The following RPA3 variants were observed in gnomAD, a reference collection of about 807,000 sequenced individuals.
RPA3 encodes replication protein A3, also known as replication protein A 14 kDa subunit.
In RPA3, 24 loss-of-function variants were observed where a neutral mutation model predicts 13.7. That is an observed-to-expected ratio of 1.75 (90% CI 1.27 to 2.46). The LOEUF is 2.46. Ranked by LOEUF, RPA3 falls within the 30% of genes most tolerant of loss-of-function variation. The pLI is 0.00. For synonymous variants in RPA3, 59 were observed against 51.2 expected (o/e 1.15, Z -0.65); for missense variants, 183 against 151.0 (o/e 1.21, Z -1.11).
Position 7,689,135 on chromosome 7 carries a change from CG to C in RPA3, c.-1027-1808del, listed in dbSNP as rs1780111406. Among the ~76,000 whole-genome samples, 3 of 152,092 alleles carry C rather than the reference CG, an allele frequency of 2.0e-5. No individual in the cohort carries two copies. The South Asian group carries it at 6.2e-4, about 32-fold the overall frequency. On this transcript the variant is annotated intron_variant, in intron 2 of 7. Transcript: ENST00000223129. ...AGTGCTCATTTGCCTAAGCCAGTCACGGTAGTCTAATTCACCTTGCCAGTGA... is the reference window on the plus strand; with the variant it reads ...AGTGCTCATTTGCCTAAGCCAGTCACGTAGTCTAATTCACCTTGCCAGTGA...
intron 4 of RPA3, among the ~76,000 whole-genome samples, chr7:7,649,654 A>T (rs778119510): frequency 1.3e-5 from 2 of 151,498 alleles, no homozygotes; most frequent in Middle Eastern, 3.4e-3. Context: ...GTCTGTGTTA[A>T]TTTGAATGTT....
At chr7:7,716,521 A>G (rs1224458354) in intron 1 of RPA3, among the ~76,000 whole-genome samples, 2 of 152,238 alleles carry the variant, frequency 1.3e-5, no homozygotes, top group Non-Finnish European at 2.9e-5. Context: ...GTAAAGGGCC[A>G]CTTGGAAGCC....
intron 4 of RPA3, among the ~76,000 whole-genome samples, chr7:7,645,180 T>C (rs1419835766): frequency 6.6e-6 from 1 of 152,218 alleles, no homozygotes; most frequent in Non-Finnish European, 1.5e-5. Flanking sequence ...ATTATAGTTT[T>C]GTTTCTTAAG....
intron 4 of RPA3, among the ~76,000 whole-genome samples, chr7:7,670,107 A>G (rs1366231550): frequency 1.3e-5 from 2 of 152,202 alleles, no homozygotes; most frequent in Non-Finnish European, 2.9e-5. Flanking sequence ...TAAATTCCAT[A>G]CACAATACTT....
intron 4 of RPA3, among the ~76,000 whole-genome samples, chr7:7,644,249 C>T (rs1785044063): frequency 6.7e-6 from 1 of 150,278 alleles, no homozygotes; most frequent in Non-Finnish European, 1.5e-5. Context: ...CTTGATTTTT[C>T]TTTTTCTTAC....
intron 4 of RPA3, among the ~76,000 whole-genome samples, chr7:7,669,683 A>G (rs1364365862): frequency 1.3e-5 from 2 of 152,228 alleles, no homozygotes; most frequent in Non-Finnish European, 2.9e-5. Context: ...CCCACAGAAC[A>G]ACATCTTGAG....
intron 4 of RPA3, among the ~76,000 whole-genome samples, chr7:7,678,637 G>GATAAATATATATTTATATACTTAGTTT (rs1779819659): frequency 3.1e-5 from 1 of 32,426 alleles, no homozygotes; most frequent in Non-Finnish European, 6.5e-5. Flanking sequence ...TTAATTTATA[G>GATAAATATATATTTATATACTTAGTTT]ATAAATATAT....
At chr7:7,702,730 T>G (rs936580060) in intron 2 of RPA3, among the ~76,000 whole-genome samples, 9 of 152,222 alleles carry the variant, frequency 5.9e-5, no homozygotes, top group African/African-American at 1.7e-4. Context: ...ATTTCTGAAA[T>G]GTGCTCCGGT....
chr7:7,698,202 C>T (rs1353542761), intron 2 of RPA3, among the ~76,000 whole-genome samples: 1 of 152,148 alleles, frequency 6.6e-6, no homozygotes, highest in Middle Eastern at 3.2e-3. Flanking sequence ...CTATATGCTT[C>T]ATTAGTGTTT....
At chr7:7,681,254 T>C (rs1392184010) in intron 4 of RPA3, among the ~76,000 whole-genome samples, 1 of 152,144 alleles carries the variant, frequency 6.6e-6, no homozygotes, top group Admixed American at 6.6e-5. Context: ...TGAGAATACC[T>C]TTTCCCCTAG....
intron 4 of RPA3, among the ~76,000 whole-genome samples, chr7:7,669,788 T>A (rs1779560236): frequency 6.6e-6 from 1 of 152,210 alleles, no homozygotes; most frequent in Admixed American, 6.5e-5. Flanking sequence ...ATTTCGGAAC[T>A]GTCTGAAATT....
In RPA3 at chr7:7,636,807, T is replaced by C; in HGVS notation, c.*193A>G. 1.8e-6 allele frequency: 1 copy of C among 540,630 alleles called. No individual in the cohort carries two copies. 33.5% of individuals were successfully genotyped at this position (540,630 alleles called of 1,614,324 possible). A position where few individuals can be genotyped will look rare whatever the true frequency, so the allele number is the denominator to read the frequency against. On this transcript the variant is annotated 3_prime_UTR_variant, in exon 8 of 8. Transcript: ENST00000223129. Reference sequence around the variant, plus strand: ...CATCTAATCTGACCATATATTGGAGTAGCAATTCTTTATAAAAGGACTTCG... The same window carrying C: ...CATCTAATCTGACCATATATTGGAGCAGCAATTCTTTATAAAAGGACTTCG...
At chr7:7,649,158 C>CAA (rs34943326) in intron 4 of RPA3, among the ~76,000 whole-genome samples, 4,539 of 128,208 alleles carry the variant, frequency 0.035, 95 homozygotes, top group East Asian at 0.05. Flanking sequence ...GACTCCATCT[C>CAA]AAAAAAAAAA....
At position 7,640,441 on chromosome 7, in the gene RPA3, T is replaced by C; in HGVS notation, c.-23A>G. On this transcript the variant is annotated 5_prime_UTR_variant, in exon 5 of 8. Coordinates refer to ENST00000223129, the MANE Select transcript of RPA3 (RefSeq NM_002947.5). Reference sequence around the variant, plus strand: ...CATGATTATGGTCCAAGACTGCGGCTGGCGGGAAACCCACGGACGACTGAA... The same window carrying C: ...CATGATTATGGTCCAAGACTGCGGCCGGCGGGAAACCCACGGACGACTGAA... 3 of 1,611,218 alleles carry C rather than the reference T, an allele frequency of 1.9e-6. No individual in the cohort carries two copies. The highest frequency in any genetic ancestry group is 3.3e-5 in the Admixed American group (2 of 59,980).
intron 4 of RPA3, among the ~76,000 whole-genome samples, chr7:7,648,380 T>G (rs1204330144): frequency 2.0e-5 from 3 of 152,344 alleles, no homozygotes; most frequent in Non-Finnish European, 1.5e-5. Flanking sequence ...CAGCTTTAAC[T>G]TTTTTTGTAT....
At position 7,640,727 on chromosome 7, in the gene RPA3, C is replaced by T. The variant is rs560738655; in HGVS notation, c.-309G>A. 509 of 311,330 alleles carry T rather than the reference C, an allele frequency of 1.6e-3. 5 individuals are homozygous for T. The highest frequency in any genetic ancestry group is 8.6e-3 in the Middle Eastern group (9 of 1,046). 19.3% of individuals were successfully genotyped at this position (311,330 alleles called of 1,614,324 possible). On this transcript the variant is annotated 5_prime_UTR_variant, in exon 5 of 8. Coordinates refer to ENST00000223129, the MANE Select transcript of RPA3 (RefSeq NM_002947.5). ...AGGGGCGGAACCTGAGACTACCTTT[C>T]TGCGATCACAGGATTCCCGGCGGTG...
intron 4 of RPA3, among the ~76,000 whole-genome samples, chr7:7,666,409 C>T (rs1282166415): frequency 2.0e-5 from 3 of 151,918 alleles, no homozygotes; most frequent in Non-Finnish European, 2.9e-5. Flanking sequence ...GGTTTTGCCA[C>T]GTTGCCCAGG....
At chr7:7,686,761 G>A (rs1485299735) in intron 3 of RPA3, among the ~76,000 whole-genome samples, 1 of 152,120 alleles carries the variant, frequency 6.6e-6, no homozygotes, top group African/African-American at 2.4e-5. Context: ...TTTCCATGTG[G>A]CCGTTTTCCA....
At chr7:7,654,736 C>T (rs182784616) in intron 4 of RPA3, among the ~76,000 whole-genome samples, 1 of 152,178 alleles carries the variant, frequency 6.6e-6, no homozygotes, top group African/African-American at 2.4e-5. Flanking sequence ...AACCCCATCT[C>T]TACTAAAAAA....
Sources: allele counts gnomAD v4.1 joint callset (sites outside exome capture counted in the v4.1 genomes callset), GRCh38; gene constraint gnomAD v4.1.1; transcripts MANE v1.5; gene names NCBI Gene and HGNC (gene_info 2026-07-23, HGNC 2026-07-21).